USH1G: variants seen among roughly 807,000 people sequenced by gnomAD.
USH1G encodes the protein USH1 protein network component sans.
In USH1G, 27 loss-of-function variants were observed where a neutral mutation model predicts 31.9. The ratio of observed to expected loss-of-function variants is 0.85; its 90% CI spans 0.62 to 1.17. The LOEUF (loss-of-function observed/expected upper bound fraction) is 1.17. Ranked by LOEUF, USH1G falls within the 50% of genes most tolerant of loss-of-function variation. The pLI is 0.00. For missense variants in USH1G, 674 were observed against 638.9 expected (o/e 1.05, Z -0.59); for synonymous variants, 266 against 283.2 (o/e 0.94, Z 0.61).
In USH1G at chr17:74,919,451, C is replaced by T. The variant is rs375297515; in HGVS notation, c.1382+3G>A. Reference sequence around the variant, plus strand: ...CATCCCCCCCGCCAGGCTGGACACTCACAGCTCTGTGTCCTCCAGGGCCGG... The same window carrying T: ...CATCCCCCCCGCCAGGCTGGACACTTACAGCTCTGTGTCCTCCAGGGCCGG... On this transcript the variant is annotated splice_donor_region_variant and intron_variant, in intron 2 of 2. Coordinates refer to ENST00000614341, the MANE Select transcript of USH1G (RefSeq NM_173477.5). The surrounding 1 kb of genome is among the most constrained non-coding windows in gnomAD (Gnocchi z 4.5). 16 of 1,604,040 alleles carry T rather than the reference C, an allele frequency of 1.0e-5. No individual in the cohort carries two copies. In the East Asian group the frequency reaches 3.4e-4, roughly 34 times the overall value.
At position 74,920,671 on chromosome 17, in the gene USH1G, C is replaced by G. The variant is rs2144755690; in HGVS notation, c.165G>C (p.Gly55=). 6.2e-7 allele frequency: 1 copy of G among 1,613,482 alleles called. No individual in the cohort carries two copies. The highest frequency in any genetic ancestry group is 1.1e-5 in the South Asian group (1 of 91,070). The change falls in exon 2 of 3, where the codon GGG becomes GGC. Residue 55 remains glycine, a splice_region_variant and synonymous_variant. Transcript: ENST00000614341. The surrounding 1 kb of genome is among the most constrained non-coding windows in gnomAD (Gnocchi z 5.2). The stretch of plus-strand genomic sequence containing the variant: ...AGATGTCACACTTGTCCGGGTCACC[C>G]CTGCAGGGAAAGCATTCAGGAGGGA... ...LESLRLIVSR[G]GDPDKCDIWG...
intron 1 of USH1G, among the ~76,000 whole-genome samples, chr17:74,922,562 C>T (rs192749423): frequency 7.4e-4 from 113 of 152,170 alleles, no homozygotes; most frequent in Middle Eastern, 3.4e-3. Context: ...GCTGGCCCCT[C>T]GAGACTTCCT....
At position 74,921,192 on chromosome 17, in the gene USH1G, A is replaced by C. The variant is rs925967545; in HGVS notation, c.165-521T>G. On this transcript the variant is annotated intron_variant, in intron 1 of 2. Coordinates refer to ENST00000614341, the MANE Select transcript of USH1G (RefSeq NM_173477.5). This position sits in a 1 kb window ranked among gnomAD's most constrained non-coding sequence, Gnocchi z 4.6. The stretch of plus-strand genomic sequence containing the variant: ...GTGAAGTGTGGGCTTGCATGTCAGC[A>C]GGCAGGGCCCTGTCTGCAGGGAGCA... Among the ~76,000 whole-genome samples the C allele has an allele frequency of 2.6e-5, 4 of 151,886 alleles. No homozygotes were observed. Among genetic ancestry groups the C allele is most frequent in the Admixed American group, 2.6e-4 (4 of 15,276 alleles).
At position 74,921,971 on chromosome 17, in the gene USH1G, G is replaced by C. The variant is rs1242907320; in HGVS notation, c.164+939C>G. Reference sequence around the variant, plus strand: ...CTACTACATGTTCAGGCACTGGCCAGTACCTGGTACCGGGGCCAGCTAAGC... The same window carrying C: ...CTACTACATGTTCAGGCACTGGCCACTACCTGGTACCGGGGCCAGCTAAGC... On this transcript the variant is annotated intron_variant, in intron 1 of 2. Transcript: ENST00000614341. The surrounding 1 kb of genome is among the most constrained non-coding windows in gnomAD (Gnocchi z 4.6). 1.3e-5 allele frequency among the ~76,000 whole-genome samples: 2 copies of C among 152,178 alleles called. No homozygotes were observed. The highest frequency in any genetic ancestry group is 2.4e-5 in the African/African-American group (1 of 41,452).
rs1368839915 is a variant in USH1G at position 74,916,490 on chromosome 17, T to TG, written c.*1582dup. The TG allele has an allele frequency of 6.6e-6, 1 of 152,052 alleles. No individual in the cohort carries two copies. The highest frequency in any genetic ancestry group is 2.4e-5 in the African/African-American group (1 of 41,382). The allele number at this position is 152,052 out of a possible 1,614,324, so 9.4% of individuals were successfully genotyped here. A position where few individuals can be genotyped will look rare whatever the true frequency, so the allele number is the denominator to read the frequency against. ...GGCTCTCTTTCCCCTGCCCCAGCCA[T>TG]GGGGGCCCCAGGAGATGCTGGGGGC... On this transcript the variant is annotated 3_prime_UTR_variant, in exon 3 of 3. Coordinates refer to ENST00000614341, the MANE Select transcript of USH1G (RefSeq NM_173477.5).
intron 1 of USH1G, 138 bp downstream of exon 1, chr17:74,922,772 A>G (rs1368816626): frequency 2.0e-6 from 2 of 1,017,628 alleles, no homozygotes; most frequent in South Asian, 1.8e-5. Flanking sequence ...GGTCCCCTCA[A>G]CATGTGTCTC....
Position 74,919,875 on chromosome 17 carries a change from A to G in USH1G, c.961T>C (p.Tyr321His), listed in dbSNP as rs1265006321. The G allele has an allele frequency of 1.2e-6, 2 of 1,613,174 alleles. No individual in the cohort carries two copies. The highest frequency in any genetic ancestry group is 2.2e-5 in the South Asian group (2 of 91,086). ...GLGTMVFRRN[Y>H]LSSGLHGLGR... Reference sequence around the variant, plus strand: ...AGTCCGTGCAGCCCACTGCTCAAGTAATTTCTGCGGAACACCATGGTGCCC... The same window carrying G: ...AGTCCGTGCAGCCCACTGCTCAAGTGATTTCTGCGGAACACCATGGTGCCC... Residue 321 changes from tyrosine to histidine, a missense_variant, in exon 2 of 3, where the codon TAC becomes CAC. Transcript: ENST00000614341. This position sits in a 1 kb window ranked among gnomAD's most constrained non-coding sequence, Gnocchi z 4.5.
rs1398894694 is a variant in USH1G at position 74,919,474 on chromosome 17, C to G, written c.1362G>C (p.Pro454=). Residue 454 remains proline (P), a synonymous_variant, in exon 2 of 3, where the codon CCG becomes CCC. Coordinates refer to ENST00000614341, the MANE Select transcript of USH1G (RefSeq NM_173477.5). The surrounding 1 kb of genome is among the most constrained non-coding windows in gnomAD (Gnocchi z 4.5). Reference sequence around the variant, plus strand: ...CTCACAGCTCTGTGTCCTCCAGGGCCGGCGGGCGCTCCATCGCCTGCCGCC... The same window carrying G: ...CTCACAGCTCTGTGTCCTCCAGGGCGGGCGGGCGCTCCATCGCCTGCCGCC... ...RRRRQAMERP[P]ALEDTEL is the part of the protein sequence containing the mutation. 2 of 1,608,120 alleles carry G rather than the reference C, an allele frequency of 1.2e-6. No individual in the cohort carries two copies. The highest frequency in any genetic ancestry group is 1.3e-5 in the African/African-American group (1 of 74,676).
Position 74,920,588 on chromosome 17 carries a change from A to C in USH1G, c.248T>G (p.Phe83Cys). ...GATGTTGGCTCCGAAGGACACCAGG[A>C]AGGACAGGCAGTGCAAGTGGCCATT... ...ASNGHLHCLS[F>C]LVSFGANIWC... The change falls in exon 2 of 3, where the codon TTC (phenylalanine) becomes TGC (cysteine). Residue 83 changes from phenylalanine to cysteine, a missense_variant. Physicochemically the swap from Phe to Cys is radical, Grantham distance 205 (BLOSUM62 -2). Transcript: ENST00000614341. The surrounding 1 kb of genome is among the most constrained non-coding windows in gnomAD (Gnocchi z 5.2). 1 of 1,613,816 alleles carries C rather than the reference A, an allele frequency of 6.2e-7. No individual in the cohort carries two copies. Among genetic ancestry groups the C allele is most frequent in the Non-Finnish European group, 8.5e-7 (1 of 1,180,016 alleles).
At position 74,918,914 on chromosome 17, in the gene USH1G, G is replaced by A. The variant is rs1162648644; in HGVS notation, c.1382+540C>T. ...AGCCACCTTGACCCCAGGCTCTAAA[G>A]CCATGCAGACCAGGGATCAAGCCTA... On this transcript the variant is annotated intron_variant, in intron 2 of 2. Transcript: ENST00000614341. The surrounding 1 kb of genome is among the most constrained non-coding windows in gnomAD (Gnocchi z 4.1). Among the ~76,000 whole-genome samples the A allele has an allele frequency of 6.6e-6, 1 of 152,066 alleles. No homozygotes were observed. Among genetic ancestry groups the A allele is most frequent in the Non-Finnish European group, 1.5e-5 (1 of 68,030 alleles).
intron 1 of USH1G, 106 bp downstream of exon 1, chr17:74,922,804 A>C: frequency 1.4e-5 from 19 of 1,344,278 alleles, no homozygotes; most frequent in Non-Finnish European, 1.9e-5. Flanking sequence ...CCAGGGTCTA[A>C]GGGTCCGCCT....
At position 74,919,475 on chromosome 17, in the gene USH1G, G is replaced by C. The variant is rs747285177; in HGVS notation, c.1361C>G (p.Pro454Arg). The C allele has an allele frequency of 5.6e-6, 9 of 1,607,714 alleles. No individual in the cohort carries two copies. The African/African-American group carries it at 9.4e-5, about 17-fold the overall frequency. Reference protein sequence around the residue: ...RRRRQAMERPPALEDTEL With the variant: ...RRRRQAMERPRALEDTEL ...TCACAGCTCTGTGTCCTCCAGGGCC[G>C]GCGGGCGCTCCATCGCCTGCCGCCG... is the stretch of plus-strand genomic sequence containing the variant. Residue 454 changes from proline to arginine, a missense_variant, in exon 2 of 3, where the codon CCG becomes CGG. By Grantham distance (103) the Pro-to-Arg change is moderately radical (BLOSUM62 -2). Transcript: ENST00000614341. The surrounding 1 kb of genome is among the most constrained non-coding windows in gnomAD (Gnocchi z 4.5).
chr17:74,922,812 C>A (rs2038960958), intron 1 of USH1G, 98 bp downstream of exon 1: 1 of 1,399,522 alleles, frequency 7.1e-7, no homozygotes, highest in Non-Finnish European at 9.6e-7. Flanking sequence ...TAAGGGTCCG[C>A]CTGTCTGCAG....
chr17:74,919,572 A>G lies in USH1G; in HGVS notation c.1264T>C (p.Ser422Pro), dbSNP rs1206146354. The change falls in exon 2 of 3, where the codon TCT becomes CCT. Residue 422 changes from serine (S) to proline (P), a missense_variant. By Grantham distance (74) the Ser-to-Pro change is moderately conservative. Coordinates refer to ENST00000614341, the MANE Select transcript of USH1G (RefSeq NM_173477.5). This position sits in a 1 kb window ranked among gnomAD's most constrained non-coding sequence, Gnocchi z 4.5. Reference sequence around the variant, plus strand: ...CTGATGCTGCGGAGGTCGAGGTCAGAGCACAGCATCAAAGCCTCGAGGTCG... The same window carrying G: ...CTGATGCTGCGGAGGTCGAGGTCAGGGCACAGCATCAAAGCCTCGAGGTCG... ...KIDLEALMLC[S>P]DLDLRSISVP... 6.2e-7 allele frequency: 1 copy of G among 1,612,736 alleles called. No homozygotes were observed. The highest frequency in any genetic ancestry group is 8.5e-7 in the Non-Finnish European group (1 of 1,180,028).
Position 74,920,418 on chromosome 17 carries a change from A to T in USH1G, c.418T>A (p.Phe140Ile), listed in dbSNP as rs781540158. The T allele has an allele frequency of 3.1e-6, 5 of 1,613,456 alleles. No homozygotes were observed. In the South Asian group the frequency reaches 5.5e-5, roughly 18 times the overall value. Reference protein sequence around the residue: ...KLVGKLKDKAFREAERRIREC... With the variant: ...KLVGKLKDKAIREAERRIREC... The stretch of plus-strand genomic sequence containing the variant: ...CGGATGCGCCGCTCCGCCTCGCGGA[A>T]GGCCTTGTCCTTCAGCTTACCCACC... Residue 140 changes from phenylalanine (F) to isoleucine (I), a missense_variant, in exon 2 of 3, where the codon TTC (phenylalanine) becomes ATC (isoleucine). Coordinates refer to ENST00000614341, the MANE Select transcript of USH1G (RefSeq NM_173477.5). The surrounding 1 kb of genome is among the most constrained non-coding windows in gnomAD (Gnocchi z 5.2).
In USH1G at chr17:74,918,009, C is replaced by T. The variant is rs529630489; in HGVS notation, c.*64G>A. Reference sequence around the variant, plus strand: ...GCAGGGCTGGCAACTGTGAGGACCTCGAGACCCCACCATAGGTTGTGGCAA... The same window carrying T: ...GCAGGGCTGGCAACTGTGAGGACCTTGAGACCCCACCATAGGTTGTGGCAA... On this transcript the variant is annotated 3_prime_UTR_variant, in exon 3 of 3. Coordinates refer to ENST00000614341, the MANE Select transcript of USH1G (RefSeq NM_173477.5). The surrounding 1 kb of genome is among the most constrained non-coding windows in gnomAD (Gnocchi z 4.1). The T allele has an allele frequency of 3.0e-5, 49 of 1,611,194 alleles. No individual in the cohort carries two copies. In the African/African-American group the frequency reaches 4.1e-4, roughly 14 times the overall value.
In USH1G at chr17:74,920,662, C is replaced by T. The variant is rs906384224; in HGVS notation, c.174G>A (p.Pro58=). The change falls in exon 2 of 3, where the codon CCG becomes CCA. Residue 58 remains proline, a synonymous_variant. Coordinates refer to ENST00000614341, the MANE Select transcript of USH1G (RefSeq NM_173477.5). The surrounding 1 kb of genome is among the most constrained non-coding windows in gnomAD (Gnocchi z 5.2). ...TGTTGCCCCAGATGTCACACTTGTC[C>T]GGGTCACCCCTGCAGGGAAAGCATT... ...LRLIVSRGGD[P]DKCDIWGNTP... is the part of the protein sequence containing the mutation. The T allele has an allele frequency of 1.2e-6, 2 of 1,612,708 alleles. No homozygotes were observed. Among genetic ancestry groups the T allele is most frequent in the South Asian group, 1.1e-5 (1 of 91,058 alleles).
At position 74,920,158 on chromosome 17, in the gene USH1G, G is replaced by A; in HGVS notation, c.678C>T (p.Gly226=). ...MQKKLERRKQ[G]GEGTFKVSED... is the part of the protein sequence containing the mutation. ...CGGAGACCTTGAAGGTGCCTTCGCC[G>A]CCCTGCTTGCGCCGCTCCAGCTTCT... is the stretch of plus-strand genomic sequence containing the variant. Residue 226 remains glycine (G), a synonymous_variant, in exon 2 of 3, where the codon GGC becomes GGT. Coordinates refer to ENST00000614341, the MANE Select transcript of USH1G (RefSeq NM_173477.5). This position sits in a 1 kb window ranked among gnomAD's most constrained non-coding sequence, Gnocchi z 5.2. 6 of 1,601,972 alleles carry A rather than the reference G, an allele frequency of 3.7e-6. No homozygotes were observed. Among genetic ancestry groups the A allele is most frequent in the Non-Finnish European group, 5.1e-6 (6 of 1,179,802 alleles).
rs911504003 is a variant in USH1G, at chr17:74,916,941, A to G, written c.*1132T>C. ...CACACACATGCACACACATGCATGCACACACACAAACACGCACGCGTTCAC... is the reference window on the plus strand; with the variant it reads ...CACACACATGCACACACATGCATGCGCACACACAAACACGCACGCGTTCAC... On this transcript the variant is annotated 3_prime_UTR_variant, in exon 3 of 3. Coordinates refer to ENST00000614341, the MANE Select transcript of USH1G (RefSeq NM_173477.5). The G allele has an allele frequency of 1.3e-5, 2 of 152,842 alleles. No individual in the cohort carries two copies. The highest frequency in any genetic ancestry group is 1.9e-4 in the East Asian group (1 of 5,190). 9.5% of individuals were successfully genotyped at this position (152,842 alleles called of 1,614,324 possible).
Sources: gnomAD v4.1 joint callset for allele counts (sites outside exome capture counted in the v4.1 genomes callset) on GRCh38, gnomAD v4.1.1 for gene constraint, Gnocchi (gnomAD v3.1) non-coding constraint, MANE v1.5 for transcripts, NCBI Gene and HGNC (gene_info 2026-07-23, HGNC 2026-07-21) for gene names.